Variants in BMPR1A observed in about 807,000 individuals in gnomAD.
The protein encoded by BMPR1A is bone morphogenetic protein receptor type 1A.
BMPR1A carries 7 observed loss-of-function variants against 66.0 expected under a neutral mutation model. That is an observed-to-expected ratio of 0.11 (90% CI 0.06 to 0.20). BMPR1A has a LOEUF of 0.20. Among genes scored for constraint, BMPR1A ranks in the 10% least tolerant of loss-of-function variants. The pLI is 1.00. For missense variants in BMPR1A, 408 were observed against 669.1 expected, an observed-to-expected ratio of 0.61 and a Z score of 4.31; for synonymous variants, 200 against 229.7, an observed-to-expected ratio of 0.87 and a Z score of 1.17.
chr10:86,886,095 C>G (rs1232131669), intron 3 of BMPR1A, among the ~76,000 whole-genome samples: 2 of 152,092 alleles, frequency 1.3e-5, no homozygotes, highest in Non-Finnish European at 2.9e-5. Flanking sequence ...ACCTATACCC[C>G]CAGTCCACCC....
Position 86,926,620 on chromosome 10 carries a change from C to G in BMPR1A, c.*2901C>G, listed in dbSNP as rs187343991. 147 of 181,014 alleles carry G rather than the reference C, an allele frequency of 8.1e-4. No homozygotes were observed. Among genetic ancestry groups the G allele is most frequent in the Non-Finnish European group, 1.5e-3 (127 of 84,728 alleles). 11.2% of individuals were successfully genotyped at this position (181,014 alleles called of 1,614,324 possible). On this transcript the variant is annotated 3_prime_UTR_variant, in exon 13 of 13. Coordinates refer to ENST00000372037, the MANE Select transcript of BMPR1A (RefSeq NM_004329.3). ...TATTCTTAAATCTGAAGCTCATCGA[C>G]TAAGTGAAATATTTAAAGAATATGA...
At position 86,787,889 on chromosome 10, in the gene BMPR1A, C is replaced by T. The variant is rs868765254; in HGVS notation, c.-268+30970C>T. 5.9e-5 allele frequency among the ~76,000 whole-genome samples: 9 copies of T among 151,960 alleles called. No individual in the cohort carries two copies. In the South Asian group the frequency reaches 1.0e-3, roughly 18 times the overall value. On this transcript the variant is annotated intron_variant, in intron 1 of 12. Coordinates refer to ENST00000372037, the MANE Select transcript of BMPR1A (RefSeq NM_004329.3). ...ACAGCAAGGGGGAAATCTGCCCCCC[C>T]CCATAATCCAATCATCTCCCAGCAG...
intron 1 of BMPR1A, among the ~76,000 whole-genome samples, chr10:86,788,565 T>G (rs1181828450): frequency 6.6e-6 from 1 of 152,336 alleles, no homozygotes; most frequent in East Asian, 1.9e-4. Flanking sequence ...AATGTCTCTT[T>G]TTTGAAGCAT....
intron 1 of BMPR1A, among the ~76,000 whole-genome samples, chr10:86,785,868 C>G (rs1433542189): frequency 2.0e-5 from 3 of 152,206 alleles, no homozygotes; most frequent in Non-Finnish European, 2.9e-5. Context: ...GGCCTTACCA[C>G]TAATTACCAC....
rs1843745856 is a variant in BMPR1A at position 86,926,416 on chromosome 10, A to T, written c.*2697A>T. On this transcript the variant is annotated 3_prime_UTR_variant, in exon 13 of 13. Transcript: ENST00000372037. ...GTGCCTGTAATCCCAGCTACTCGGGAGGCTGAAGCAGGAGAATTGCTTAAA... is the reference window on the plus strand; with the variant it reads ...GTGCCTGTAATCCCAGCTACTCGGGTGGCTGAAGCAGGAGAATTGCTTAAA... 6.4e-6 allele frequency: 1 copy of T among 155,638 alleles called. No individual in the cohort carries two copies. Among genetic ancestry groups the T allele is most frequent in the Non-Finnish European group, 1.4e-5 (1 of 70,130 alleles). 9.6% of individuals were successfully genotyped at this position (155,638 alleles called of 1,614,324 possible). A position where few individuals can be genotyped will look rare whatever the true frequency, so the allele number is the denominator to read the frequency against.
chr10:86,909,615 G>C (rs1843448048), intron 7 of BMPR1A, among the ~76,000 whole-genome samples: 1 of 150,600 alleles, frequency 6.6e-6, no homozygotes, highest in African/African-American at 2.5e-5. Flanking sequence ...AAAGAAAAAA[G>C]AATTAGGTAA....
intron 8 of BMPR1A, among the ~76,000 whole-genome samples, chr10:86,913,786 G>T (rs2133555471): frequency 6.6e-6 from 1 of 152,262 alleles, no homozygotes; most frequent in Admixed American, 6.5e-5. Context: ...CCCTAAATAA[G>T]TGGAGATGTT....
At chr10:86,783,067 A>C (rs144201267) in intron 1 of BMPR1A, among the ~76,000 whole-genome samples, 1 of 152,306 alleles carries the variant, frequency 6.6e-6, no homozygotes, top group Non-Finnish European at 1.5e-5. Flanking sequence ...ATAAGGATCC[A>C]TCTTCATTCT....
intron 1 of BMPR1A, among the ~76,000 whole-genome samples, chr10:86,821,157 C>T (rs933336937): frequency 2.6e-5 from 4 of 152,166 alleles, no homozygotes; most frequent in African/African-American, 9.7e-5. Flanking sequence ...TGTAGTTACA[C>T]GAAGTGGCGG....
At chr10:86,885,758 C>A (rs1019398629) in intron 3 of BMPR1A, among the ~76,000 whole-genome samples, 6 of 152,182 alleles carry the variant, frequency 3.9e-5, no homozygotes, top group African/African-American at 1.2e-4. Flanking sequence ...GCCCATTGGT[C>A]TCACCAACCG....
At chr10:86,800,051 A>G (rs1221435179) in intron 1 of BMPR1A, among the ~76,000 whole-genome samples, 1 of 152,210 alleles carries the variant, frequency 6.6e-6, no homozygotes, top group Non-Finnish European at 1.5e-5. Flanking sequence ...ACAGGTTGCA[A>G]ACTAGTGACC....
intron 1 of BMPR1A, among the ~76,000 whole-genome samples, chr10:86,812,040 CCA>C (rs1841979327): frequency 6.6e-6 from 1 of 151,476 alleles, no homozygotes; most frequent in Non-Finnish European, 1.5e-5. Context: ...TCTGAGCATG[CCA>C]CTGCTCTCCA....
At chr10:86,915,717 ACT>A (rs1374150889) in intron 8 of BMPR1A, among the ~76,000 whole-genome samples, 3 of 152,230 alleles carry the variant, frequency 2.0e-5, no homozygotes, top group South Asian at 2.1e-4. Context: ...ACGGAGCGAG[ACT>A]CTGTCTCAAA....
chr10:86,862,606 G>A (rs1242319008), intron 2 of BMPR1A, among the ~76,000 whole-genome samples: 1 of 152,148 alleles, frequency 6.6e-6, no homozygotes, highest in East Asian at 1.9e-4. Context: ...AGGCAAAGGG[G>A]TTAGTGGCTT....
chr10:86,903,298 G>A (rs1843337287), intron 7 of BMPR1A, among the ~76,000 whole-genome samples: 1 of 152,122 alleles, frequency 6.6e-6, no homozygotes, highest in Admixed American at 6.6e-5. Flanking sequence ...TATTATAACT[G>A]TATTTTTTAT....
intron 1 of BMPR1A, among the ~76,000 whole-genome samples, chr10:86,764,430 CCTT>C (rs1330445467): frequency 6.6e-6 from 1 of 152,126 alleles, no homozygotes; most frequent in South Asian, 2.1e-4. Context: ...GATTATTCTT[CCTT>C]CATTTTATAA....
intron 2 of BMPR1A, among the ~76,000 whole-genome samples, chr10:86,840,746 C>T (rs186266459): frequency 6.6e-6 from 1 of 152,220 alleles, no homozygotes; most frequent in East Asian, 1.9e-4. Context: ...GTTAATGGAC[C>T]TCTTTGTCAC....
chr10:86,797,626 A>G (rs1289315547), intron 1 of BMPR1A, among the ~76,000 whole-genome samples: 2 of 152,056 alleles, frequency 1.3e-5, no homozygotes, highest in Admixed American at 6.6e-5. Context: ...TCAGCCTCCC[A>G]AAGTGCTGGG....
intron 2 of BMPR1A, among the ~76,000 whole-genome samples, chr10:86,865,377 G>A (rs934847252): frequency 3.9e-5 from 6 of 152,042 alleles, no homozygotes; most frequent in Non-Finnish European, 8.8e-5. Flanking sequence ...GGCTCAAAAA[G>A]CTCCCCCACT....
Sources: allele counts gnomAD v4.1 joint callset (sites outside exome capture counted in the v4.1 genomes callset), GRCh38; gene constraint gnomAD v4.1.1; transcripts MANE v1.5; gene names NCBI Gene and HGNC (gene_info 2026-07-23, HGNC 2026-07-21).